WASHC5: variants seen among roughly 807,000 people sequenced by gnomAD.
WASHC5 encodes WASH complex subunit 5.
WASHC5 carries 101 observed loss-of-function variants against 150.4 expected under a neutral mutation model. The ratio of observed to expected loss-of-function variants is 0.67; its 90% CI spans 0.57 to 0.79. WASHC5 has a LOEUF of 0.79. WASHC5 is among the 30% of genes least tolerant of loss of function. The pLI is 0.00. For synonymous variants in WASHC5, 467 were observed against 491.2 expected, an observed-to-expected ratio of 0.95 and a Z score of 0.65; for missense variants, 1,195 against 1,396.3, an observed-to-expected ratio of 0.86 and a Z score of 2.30.
In WASHC5 at chr8:125,056,667, G is replaced by C. The variant is rs1260941212; in HGVS notation, c.2016+10C>G. 1.2e-6 allele frequency: 2 copies of C among 1,613,960 alleles called. No homozygotes were observed. Among genetic ancestry groups the C allele is most frequent in the South Asian group, 1.1e-5 (1 of 91,056 alleles). On this transcript the variant is annotated intron_variant, in intron 16 of 28. Coordinates refer to ENST00000318410, the MANE Select transcript of WASHC5 (RefSeq NM_014846.4). ...AATATGAAAAGGCAGAAGTCAGAGGGACACAGCACCTCGTATCGTGGGCCT... is the reference window on the plus strand; with the variant it reads ...AATATGAAAAGGCAGAAGTCAGAGGCACACAGCACCTCGTATCGTGGGCCT...
intron 26 of WASHC5, among the ~76,000 whole-genome samples, chr8:125,033,129 G>A (rs945291889): frequency 2.6e-5 from 4 of 152,070 alleles, no homozygotes; most frequent in African/African-American, 4.8e-5. Flanking sequence ...TGGCTGCATG[G>A]GAAACCAGAG....
At chr8:125,055,495 T>A (rs1469213852) in intron 17 of WASHC5, 96 bp downstream of exon 17, 3 of 794,902 alleles carry the variant, frequency 3.8e-6, no homozygotes, top group Non-Finnish European at 6.9e-6. Context: ...AACAGCCAGA[T>A]GATGTCACTC....
intron 1 of WASHC5, among the ~76,000 whole-genome samples, chr8:125,088,484 C>T (rs1308769628): frequency 6.6e-6 from 1 of 151,568 alleles, no homozygotes; most frequent in Non-Finnish European, 1.5e-5. Flanking sequence ...ATACAGTGCA[C>T]TTCTGAGATT....
chr8:125,056,980 A>G (rs186679399), intron 15 of WASHC5, among the ~76,000 whole-genome samples, 163 bp from the exon 16 acceptor site: 88 of 152,312 alleles, frequency 5.8e-4, no homozygotes, highest in African/African-American at 2.0e-3. Flanking sequence ...TCCTTTAAAC[A>G]TTAATTGCTT....
chr8:125,088,347 C>T (rs1412788433), intron 1 of WASHC5, among the ~76,000 whole-genome samples: 2 of 150,984 alleles, frequency 1.3e-5, no homozygotes, highest in African/African-American at 4.9e-5. Context: ...ATTGCTTAAA[C>T]CCAGGAGGCG....
chr8:125,060,158 T>G (rs1327399419), intron 12 of WASHC5, among the ~76,000 whole-genome samples: 1 of 152,136 alleles, frequency 6.6e-6, no homozygotes, highest in African/African-American at 2.4e-5. Context: ...ACCAATTGGA[T>G]AGGGTTATAG....
chr8:125,039,085 C>T, intron 24 of WASHC5, 126 bp from the exon 25 acceptor site: 4 of 1,035,660 alleles, frequency 3.9e-6, no homozygotes, highest in East Asian at 2.5e-5. Context: ...AGAGCTTGAT[C>T]TCGCTAATTC....
At chr8:125,067,810 A>G (rs1290972129) in intron 9 of WASHC5, 91 bp from the exon 10 acceptor site, 4 of 1,428,900 alleles carry the variant, frequency 2.8e-6, no homozygotes, top group Non-Finnish European at 1.9e-6. Flanking sequence ...CTTCATTTTA[A>G]CCATTTAAAA....
At chr8:125,049,376 T>C (rs1053262283) in intron 18 of WASHC5, among the ~76,000 whole-genome samples, 191 bp from the exon 19 acceptor site, 2 of 151,054 alleles carry the variant, frequency 1.3e-5, no homozygotes, top group African/African-American at 2.5e-5. Context: ...CTGGCCAACG[T>C]TGCGAAACCC....
chr8:125,076,280 G>T, intron 7 of WASHC5, 68 bp downstream of exon 7: 1 of 1,478,914 alleles, frequency 6.8e-7, no homozygotes, highest in Non-Finnish European at 9.4e-7. Flanking sequence ...GTGGGTTAAA[G>T]GCCAAAAGAA....
chr8:125,080,692 C>G (rs960762856), intron 5 of WASHC5, among the ~76,000 whole-genome samples: 1 of 152,106 alleles, frequency 6.6e-6, no homozygotes, highest in African/African-American at 2.4e-5. Context: ...CTCATTCAAC[C>G]AATTGAAAAT....
chr8:125,029,221 C>T (rs1014642520), intron 27 of WASHC5, among the ~76,000 whole-genome samples: 14 of 152,088 alleles, frequency 9.2e-5, no homozygotes, highest in Admixed American at 2.6e-4. Flanking sequence ...TTAGTAGAGA[C>T]GGGGTTTCAC....
intron 28 of WASHC5, among the ~76,000 whole-genome samples, chr8:125,027,653 A>AG (rs1815411724): frequency 6.6e-6 from 1 of 152,186 alleles, no homozygotes; most frequent in Non-Finnish European, 1.5e-5. Flanking sequence ...AAAATACTAC[A>AG]AATATGGTGC....
chr8:125,044,492 C>T (rs1280262003), intron 21 of WASHC5, 44 bp downstream of exon 21: 1 of 1,605,196 alleles, frequency 6.2e-7, no homozygotes, highest in Non-Finnish European at 8.5e-7. Context: ...TCTTGCCTCT[C>T]CCCCAGGGTG....
chr8:125,026,845 A>T (rs1026579318), intron 28 of WASHC5, among the ~76,000 whole-genome samples: 3 of 151,966 alleles, frequency 2.0e-5, no homozygotes, highest in Non-Finnish European at 4.4e-5. Context: ...TCTTTTTTTT[A>T]AAAAAGGACT....
chr8:125,049,345 G>C (rs950329125), intron 18 of WASHC5, among the ~76,000 whole-genome samples, 160 bp from the exon 19 acceptor site: 10 of 152,268 alleles, frequency 6.6e-5, no homozygotes, highest in African/African-American at 2.4e-4. Flanking sequence ...GATCACTTGA[G>C]GTCAGGAGTT....
intron 2 of WASHC5, 113 bp from the exon 3 acceptor site, chr8:125,083,371 G>T: frequency 1.0e-6 from 1 of 953,874 alleles, no homozygotes; most frequent in Non-Finnish European, 1.6e-6. Context: ...CAAACTTAAA[G>T]CAGAGCAACA....
intron 10 of WASHC5, among the ~76,000 whole-genome samples, chr8:125,064,047 C>A (rs16900314): frequency 6.6e-6 from 1 of 152,162 alleles, no homozygotes; most frequent in African/African-American, 2.4e-5. Context: ...GCAATTCTAA[C>A]GTAAACAGTC....
At chr8:125,047,531 G>A (rs568661717) in intron 19 of WASHC5, among the ~76,000 whole-genome samples, 200 bp from the exon 20 acceptor site, 24 of 151,856 alleles carry the variant, frequency 1.6e-4, no homozygotes, top group African/African-American at 5.3e-4. Flanking sequence ...TCCACCACCC[G>A]GGTGCAAGCG....
Sources: allele counts gnomAD v4.1 joint callset (sites outside exome capture counted in the v4.1 genomes callset), GRCh38; gene constraint gnomAD v4.1.1; transcripts MANE v1.5; gene names NCBI Gene and HGNC (gene_info 2026-07-23, HGNC 2026-07-21).